Variants in RAP1GAP2 observed in about 807,000 individuals in gnomAD.
RAP1GAP2 encodes RAP1 GTPase activating protein 2, also known as rap1 GTPase-activating protein 2.
In RAP1GAP2, 27 loss-of-function variants were observed where a neutral mutation model predicts 95.0. The observed-to-expected ratio is 0.28, with a 90% CI of 0.21 to 0.39. The LOEUF (loss-of-function observed/expected upper bound fraction) is 0.39, where lower values mean the gene tolerates loss of function less well. Among genes scored for constraint, RAP1GAP2 ranks in the 10% least tolerant of loss-of-function variants. The probability of loss-of-function intolerance (pLI) is 1.00; values close to 1 mark genes in which losing one functional copy is unlikely to be tolerated. For synonymous variants in RAP1GAP2, 373 were observed against 380.9 expected (o/e 0.98, Z 0.24); for missense variants, 771 against 970.0 (o/e 0.79, Z 2.72).
Position 3,005,534 on chromosome 17 carries a change from G to A in RAP1GAP2, c.1272+94G>A, listed in dbSNP as rs2046304662. ...TTGGGATGGAGCCAAATTCAGGCTG[G>A]GAACATTAGGGAGCTCCTTTTGCAG... On this transcript the variant is annotated intron_variant, in intron 15 of 24. Transcript: ENST00000254695. This position sits in a 1 kb window ranked among gnomAD's most constrained non-coding sequence, Gnocchi z 5.2. 1.5e-6 allele frequency: 2 copies of A among 1,361,868 alleles called. No individual in the cohort carries two copies. The highest frequency in any genetic ancestry group is 1.2e-5 in the South Asian group (1 of 85,912). 84.4% of individuals were successfully genotyped at this position (1,361,868 alleles called of 1,614,324 possible).
chr17:2,927,473 G>A (rs1487287119), intron 3 of RAP1GAP2, among the ~76,000 whole-genome samples: 1 of 152,120 alleles, frequency 6.6e-6, no homozygotes, highest in African/African-American at 2.4e-5. Flanking sequence ...TTCTCACACC[G>A]CCGTCTCTCG....
At chr17:2,809,001 C>T (rs955351211) in intron 2 of RAP1GAP2, among the ~76,000 whole-genome samples, 6 of 152,104 alleles carry the variant, frequency 3.9e-5, no homozygotes, top group African/African-American at 1.4e-4. Context: ...GCAGGGAAGG[C>T]GAGCGCTTAG....
rs142959419 is a variant in RAP1GAP2 at position 2,969,796 on chromosome 17, G to A, written c.596+4153G>A. Reference sequence around the variant, plus strand: ...TGGGATTACAGGCGTGAGTCACCGCGTCTGGCCTAAATATATATATTCTTA... The same window carrying A: ...TGGGATTACAGGCGTGAGTCACCGCATCTGGCCTAAATATATATATTCTTA... On this transcript the variant is annotated intron_variant, in intron 8 of 24. Transcript: ENST00000254695. Among the ~76,000 whole-genome samples the A allele has an allele frequency of 8.1e-3, 1,233 of 151,970 alleles. 18 individuals are homozygous for A. Among genetic ancestry groups the A allele is most frequent in the African/African-American group, 0.028 (1,141 of 41,446 alleles).
chr17:2,803,394 G>A (rs1196808590), intron 2 of RAP1GAP2, among the ~76,000 whole-genome samples: 1 of 152,212 alleles, frequency 6.6e-6, no homozygotes, highest in Admixed American at 6.5e-5. Flanking sequence ...GGGTGCCCCA[G>A]GGAACTGAAG....
At chr17:2,793,817 T>C (rs1291607919), upstream of RAP1GAP2, among the ~76,000 whole-genome samples, 1 of 152,062 alleles carries the variant, frequency 6.6e-6, no homozygotes, top group Admixed American at 6.6e-5. Context: ...ACTCAATCTT[T>C]TGGCCGGGTG....
In RAP1GAP2 at chr17:2,946,361, A is replaced by G. The variant is rs533581094; in HGVS notation, c.166-11398A>G. Among the ~76,000 whole-genome samples, 60 of 152,076 alleles carry G rather than the reference A, an allele frequency of 3.9e-4. 1 individual carries two copies. The highest frequency in any genetic ancestry group is 1.4e-3 in the African/African-American group (58 of 41,484). ...AAGGACTGGTGTGAATTCTTCTGTAAGTGTTTGGTCGGCTTCACTATGAAG... is the reference window on the plus strand; with the variant it reads ...AAGGACTGGTGTGAATTCTTCTGTAGGTGTTTGGTCGGCTTCACTATGAAG... On this transcript the variant is annotated intron_variant, in intron 3 of 24. Transcript: ENST00000254695.
Position 2,843,752 on chromosome 17 carries a change from A to G in RAP1GAP2, c.80+43202A>G, listed in dbSNP as rs146925957. ...CAGAGTCATGCTGAGTGTACTTCTT[A>G]TTGCTGACATGGGGCCACGTGAAGG... On this transcript the variant is annotated intron_variant, in intron 2 of 24. Coordinates refer to ENST00000254695, the MANE Select transcript of RAP1GAP2 (RefSeq NM_015085.5). Among the ~76,000 whole-genome samples, 36 of 152,152 alleles carry G rather than the reference A, an allele frequency of 2.4e-4. No individual in the cohort carries two copies. In the East Asian group the frequency reaches 7.0e-3, roughly 29 times the overall value.
chr17:2,858,183 G>A (rs1260975156), intron 2 of RAP1GAP2, among the ~76,000 whole-genome samples: 1 of 152,156 alleles, frequency 6.6e-6, no homozygotes, highest in Admixed American at 6.6e-5. Context: ...AGGTCATTTA[G>A]CATAAATGAA....
chr17:2,845,730 A>G (rs183027925), intron 2 of RAP1GAP2, among the ~76,000 whole-genome samples: 2,110 of 151,578 alleles, frequency 0.014, 24 homozygotes, highest in Non-Finnish European at 0.02. Flanking sequence ...GCGTGGTGGT[A>G]GGCGCCTGTA....
chr17:2,922,638 T>C (rs6502630), intron 3 of RAP1GAP2, among the ~76,000 whole-genome samples: 81,623 of 151,802 alleles, frequency 0.54, 24,385 homozygotes, highest in African/African-American at 0.81. Context: ...ACAAATGGGG[T>C]AGAGCATGAT....
chr17:2,844,043 C>T (rs1471711607), intron 2 of RAP1GAP2, among the ~76,000 whole-genome samples: 7 of 151,882 alleles, frequency 4.6e-5, no homozygotes, highest in Admixed American at 2.6e-4. Context: ...TTTTTTGAGA[C>T]GGAGTCTTGC....
chr17:2,975,938 A>G (rs1195080999), intron 8 of RAP1GAP2, among the ~76,000 whole-genome samples: 2 of 152,126 alleles, frequency 1.3e-5, no homozygotes, highest in Admixed American at 1.3e-4. Flanking sequence ...TCCTTTTTCT[A>G]GGTCCCCCAG....
At position 3,033,407 on chromosome 17, in the gene RAP1GAP2, G is replaced by A. The variant is rs2047390626; in HGVS notation, c.*46G>A. Reference sequence around the variant, plus strand: ...GTCTCCTCAGGGAATCCCCTCTTCTGTCCTGGAAAAGGCTCCTGTACCAGC... The same window carrying A: ...GTCTCCTCAGGGAATCCCCTCTTCTATCCTGGAAAAGGCTCCTGTACCAGC... On this transcript the variant is annotated 3_prime_UTR_variant, in exon 25 of 25. Coordinates refer to ENST00000254695, the MANE Select transcript of RAP1GAP2 (RefSeq NM_015085.5). The surrounding 1 kb of genome is among the most constrained non-coding windows in gnomAD (Gnocchi z 4.9). The A allele has an allele frequency of 6.5e-6, 1 of 153,058 alleles. No homozygotes were observed. The highest frequency in any genetic ancestry group is 2.4e-5 in the African/African-American group (1 of 41,440). The allele number at this position is 153,058 out of a possible 1,614,324, so 9.5% of individuals were successfully genotyped here.
intron 3 of RAP1GAP2, among the ~76,000 whole-genome samples, chr17:2,939,500 GCA>G (rs2043411664): frequency 6.6e-6 from 1 of 152,172 alleles, no homozygotes; most frequent in Non-Finnish European, 1.5e-5. Context: ...TATTTTTCTT[GCA>G]CAGAGAGGGC....
Position 2,851,781 on chromosome 17 carries a change from A to G in RAP1GAP2, c.80+51231A>G, listed in dbSNP as rs111794873. On this transcript the variant is annotated intron_variant, in intron 2 of 24. Transcript: ENST00000254695. ...GAGGTGGGGTCTCACTATGTTGCCCAGGCTGGTCTAGAACTCCTGGTCTCA... is the reference window on the plus strand; with the variant it reads ...GAGGTGGGGTCTCACTATGTTGCCCGGGCTGGTCTAGAACTCCTGGTCTCA... 4.6e-5 allele frequency among the ~76,000 whole-genome samples: 7 copies of G among 152,234 alleles called. 1 individual carries two copies. The highest frequency in any genetic ancestry group is 1.4e-4 in the African/African-American group (6 of 41,558).
intron 1 of RAP1GAP2, among the ~76,000 whole-genome samples, chr17:2,789,055 A>G (rs550958547): frequency 2.0e-5 from 3 of 152,074 alleles, no homozygotes; most frequent in East Asian, 1.9e-4. Context: ...CCTTTACACA[A>G]TTATCAATTT....
chr17:2,779,652 G>T (rs1387247495), intron 1 of RAP1GAP2, among the ~76,000 whole-genome samples: 2 of 152,178 alleles, frequency 1.3e-5, no homozygotes, highest in African/African-American at 4.8e-5. Flanking sequence ...GCAGAGGAGG[G>T]CGAGGGGAGA....
At chr17:2,935,126 T>C (rs568494081) in intron 3 of RAP1GAP2, among the ~76,000 whole-genome samples, 2 of 152,330 alleles carry the variant, frequency 1.3e-5, no homozygotes, top group Admixed American at 1.3e-4. Flanking sequence ...TCGTTCTAGA[T>C]GTTTAACTCT....
At chr17:2,760,415 ACTGCAGCCT>A (rs1245426798) in intron 1 of RAP1GAP2, among the ~76,000 whole-genome samples, 3 of 149,886 alleles carry the variant, frequency 2.0e-5, no homozygotes, top group African/African-American at 7.4e-5. Flanking sequence ...ATCTCAGCTC[ACTGCAGCCT>A]CTGCCTCCTG....
Sources: allele counts gnomAD v4.1 joint callset (sites outside exome capture counted in the v4.1 genomes callset), GRCh38; gene constraint gnomAD v4.1.1; non-coding constraint Gnocchi (gnomAD v3.1); transcripts MANE v1.5; gene names NCBI Gene and HGNC (gene_info 2026-07-23, HGNC 2026-07-21).